DPP10: variants seen among roughly 807,000 people sequenced by gnomAD.
DPP10 encodes inactive dipeptidyl peptidase 10.
A neutral mutation model predicts 120.9 loss-of-function variants in DPP10; 33 were observed. The observed-to-expected ratio is 0.27, with a 90% CI of 0.21 to 0.37. DPP10 has a LOEUF of 0.37. DPP10 is among the 10% of genes least tolerant of loss of function. DPP10 has a pLI of 1.00. For synonymous variants in DPP10, 337 were observed against 326.1 expected (o/e 1.03, Z -0.36); for missense variants, 816 against 942.8 (o/e 0.87, Z 1.76).
chr2:115,680,047 A>T (rs946702942), intron 5 of DPP10, among the ~76,000 whole-genome samples: 6 of 152,068 alleles, frequency 3.9e-5, no homozygotes, highest in Admixed American at 3.3e-4. Flanking sequence ...TGAGTATGCT[A>T]ATTACACAGA....
Position 115,016,236 on chromosome 2 carries a change from C to T in DPP10, c.61-293003C>T, listed in dbSNP as rs191853961. On this transcript the variant is annotated intron_variant, in intron 1 of 25. Coordinates refer to ENST00000410059, the MANE Select transcript of DPP10 (RefSeq NM_020868.6). ...ACCATCTGATCTTTGACCAGCCTGACGAAAACAAGCAATGGGGAAAGGATT... is the reference window on the plus strand; with the variant it reads ...ACCATCTGATCTTTGACCAGCCTGATGAAAACAAGCAATGGGGAAAGGATT... 8.5e-4 allele frequency among the ~76,000 whole-genome samples: 130 copies of T among 152,154 alleles called. 1 individual carries two copies. Among genetic ancestry groups the T allele is most frequent in the African/African-American group, 2.6e-3 (106 of 41,514 alleles).
chr2:115,766,324 ATGTATATATATATG>A (rs1175326285), intron 12 of DPP10, among the ~76,000 whole-genome samples: 15 of 96,736 alleles, frequency 1.6e-4, no homozygotes, highest in East Asian at 8.3e-4. Flanking sequence ...ATATATATAT[ATGTATATATATATG>A]TATATATATA....
chr2:115,383,942 A>T (rs989103379), intron 3 of DPP10, among the ~76,000 whole-genome samples: 1 of 152,210 alleles, frequency 6.6e-6, no homozygotes, highest in Non-Finnish European at 1.5e-5. Flanking sequence ...CCAATAGATC[A>T]TAAGAAATAA....
chr2:114,600,440 C>G (rs1186233372), intron 1 of DPP10, among the ~76,000 whole-genome samples: 1 of 151,758 alleles, frequency 6.6e-6, no homozygotes, highest in Non-Finnish European at 1.5e-5. Context: ...TAATATCCAT[C>G]CTTTCCAAAA....
intron 5 of DPP10, among the ~76,000 whole-genome samples, chr2:115,554,001 TCACA>T (rs71881888): frequency 0.02 from 2,651 of 135,380 alleles, 28 homozygotes; most frequent in Middle Eastern, 0.039. Context: ...TCTCTCTCTT[TCACA>T]CACACACACA....
At chr2:115,459,583 A>T (rs536766429) in intron 3 of DPP10, among the ~76,000 whole-genome samples, 1 of 152,224 alleles carries the variant, frequency 6.6e-6, no homozygotes, top group African/African-American at 2.4e-5. Flanking sequence ...TACATAAAAT[A>T]TATACTCAAT....
intron 3 of DPP10, among the ~76,000 whole-genome samples, chr2:115,433,473 A>G (rs2071200331): frequency 6.6e-6 from 1 of 152,010 alleles, no homozygotes; most frequent in South Asian, 2.1e-4. Context: ...GTGTGCATAT[A>G]CATATAAAAT....
At chr2:115,079,749 A>C (rs1181215039) in intron 1 of DPP10, among the ~76,000 whole-genome samples, 1 of 152,216 alleles carries the variant, frequency 6.6e-6, no homozygotes, top group African/African-American at 2.4e-5. Flanking sequence ...GTCAGTACTA[A>C]ATCGCAAAGG....
chr2:115,507,070 C>T (rs1429716401), intron 4 of DPP10, among the ~76,000 whole-genome samples: 1 of 151,384 alleles, frequency 6.6e-6, no homozygotes, highest in African/African-American at 2.4e-5. Context: ...ACACACACCC[C>T]ACCAAGCAAG....
At chr2:114,925,991 A>G (rs779022641) in intron 1 of DPP10, among the ~76,000 whole-genome samples, 8 of 152,278 alleles carry the variant, frequency 5.3e-5, no homozygotes, top group African/African-American at 1.2e-4. Flanking sequence ...CTGATCCCCA[A>G]TGCACATGGC....
intron 1 of DPP10, among the ~76,000 whole-genome samples, chr2:115,298,511 C>A (rs2060986319): frequency 6.6e-6 from 1 of 152,020 alleles, no homozygotes; most frequent in Admixed American, 6.6e-5. Flanking sequence ...GCACAGGAAT[C>A]ATCTGGAGAG....
Position 114,722,775 on chromosome 2 carries a change from CAAAAAAAA to C in DPP10, c.60+279955_60+279962del, listed in dbSNP as rs61497158. Among the ~76,000 whole-genome samples the C allele has an allele frequency of 1.1e-4, 6 of 55,868 alleles. 1 individual carries two copies. The East Asian group carries it at 3.5e-3, about 32-fold the overall frequency. The allele number at this position is 55,868 out of a possible 152,430, so 36.7% of individuals were successfully genotyped here. A position where few individuals can be genotyped will look rare whatever the true frequency, so the allele number is the denominator to read the frequency against. ...TGGGAGACAGAGCTAGGCTCTGTCT[CAAAAAAAA>C]AAAAAAAAAAAAAAAAAGCAACTAG... On this transcript the variant is annotated intron_variant, in intron 1 of 25. Transcript: ENST00000410059.
intron 3 of DPP10, among the ~76,000 whole-genome samples, chr2:115,482,051 G>T (rs1481018669): frequency 6.6e-6 from 1 of 151,804 alleles, no homozygotes; most frequent in African/African-American, 2.4e-5. Context: ...ACATTGTTTT[G>T]TTTCATATTA....
chr2:115,274,358 A>C (rs2059822629), intron 1 of DPP10, among the ~76,000 whole-genome samples: 1 of 152,158 alleles, frequency 6.6e-6, no homozygotes, highest in Non-Finnish European at 1.5e-5. Context: ...TTGACATTAA[A>C]ACTATTACAT....
At chr2:115,088,761 A>AAAAAC (rs1373421309) in intron 1 of DPP10, among the ~76,000 whole-genome samples, 1 of 150,634 alleles carries the variant, frequency 6.6e-6, no homozygotes, top group African/African-American at 2.4e-5. Context: ...AAAAAAAAAA[A>AAAAAC]AAAAAAAACC....
chr2:115,453,007 A>G (rs895614364), intron 3 of DPP10, among the ~76,000 whole-genome samples: 36 of 151,880 alleles, frequency 2.4e-4, no homozygotes, highest in African/African-American at 8.2e-4. Context: ...TTATTTTAAA[A>G]TCCATAATTA....
chr2:115,269,153 AAAAAG>A (rs1232622324), intron 1 of DPP10, among the ~76,000 whole-genome samples: 1 of 152,220 alleles, frequency 6.6e-6, no homozygotes, highest in African/African-American at 2.4e-5. Context: ...TCTCAAAGAA[AAAAAG>A]AAAAGAAACA....
At chr2:115,805,273 G>T (rs1390950896) in intron 19 of DPP10, among the ~76,000 whole-genome samples, 2 of 152,168 alleles carry the variant, frequency 1.3e-5, no homozygotes, top group East Asian at 3.9e-4. Context: ...TGTGAAGCCT[G>T]TTGGAAAAGC....
At chr2:115,572,934 C>G (rs1037199) in intron 5 of DPP10, among the ~76,000 whole-genome samples, 150,096 of 152,284 alleles carry the variant, frequency 0.99, 74,009 homozygotes, top group East Asian at 1. Context: ...AGGAGCCTAG[C>G]TTTCCATCTG....
Sources: gnomAD v4.1 joint callset for allele counts (sites outside exome capture counted in the v4.1 genomes callset) on GRCh38, gnomAD v4.1.1 for gene constraint, MANE v1.5 for transcripts, NCBI Gene and HGNC (gene_info 2026-07-23, HGNC 2026-07-21) for gene names.